The following BBS9 variants were observed in gnomAD, a reference collection of about 807,000 sequenced individuals.
The protein encoded by BBS9 is protein PTHB1.
BBS9 carries 89 observed loss-of-function variants against 117.7 expected under a neutral mutation model. The observed-to-expected ratio is 0.76, with a 90% CI of 0.64 to 0.90. The LOEUF (loss-of-function observed/expected upper bound fraction) is 0.90, where lower values mean the gene tolerates loss of function less well. Among genes scored for constraint, BBS9 ranks in the 40% least tolerant of loss-of-function variants. BBS9 has a pLI of 0.00. For missense variants in BBS9, 982 were observed against 1,042.2 expected, an observed-to-expected ratio of 0.94 and a Z score of 0.80; for synonymous variants, 379 against 370.9, an observed-to-expected ratio of 1.02 and a Z score of -0.25.
intron 19 of BBS9, among the ~76,000 whole-genome samples, chr7:33,424,450 G>A (rs768844721): frequency 2.6e-5 from 4 of 152,134 alleles, no homozygotes; most frequent in Admixed American, 2.6e-4. Flanking sequence ...AATTTCAAAC[G>A]AGAAGAGATG....
intron 19 of BBS9, among the ~76,000 whole-genome samples, chr7:33,497,410 C>T (rs1419253713): frequency 6.6e-6 from 1 of 152,128 alleles, no homozygotes; most frequent in Non-Finnish European, 1.5e-5. Context: ...GTACCTCGTA[C>T]TGGAAAATTG....
intron 20 of BBS9, among the ~76,000 whole-genome samples, chr7:33,526,401 T>A (rs1476846773): frequency 1.3e-5 from 2 of 152,234 alleles, no homozygotes; most frequent in African/African-American, 4.8e-5. Context: ...AGACGTAGAT[T>A]TGGTCTTTTC....
intron 21 of BBS9, among the ~76,000 whole-genome samples, chr7:33,628,925 A>G (rs1185671249): frequency 6.6e-6 from 1 of 152,256 alleles, no homozygotes; most frequent in Non-Finnish European, 1.5e-5. Flanking sequence ...AGAACAGGAA[A>G]GACACAAACA....
chr7:33,170,667 C>T (rs1344841032), intron 4 of BBS9, among the ~76,000 whole-genome samples: 1 of 150,930 alleles, frequency 6.6e-6, no homozygotes, highest in Non-Finnish European at 1.5e-5. Flanking sequence ...CAAATTGTCC[C>T]TGTTTGCGGA....
At chr7:33,160,931 G>A (rs766841357) in intron 4 of BBS9, among the ~76,000 whole-genome samples, 6 of 152,068 alleles carry the variant, frequency 3.9e-5, no homozygotes, top group Non-Finnish European at 8.8e-5. Flanking sequence ...GCATGGGAAA[G>A]CTTTTATACA....
chr7:33,565,217 A>C (rs113454304), intron 21 of BBS9, among the ~76,000 whole-genome samples: 2 of 152,178 alleles, frequency 1.3e-5, no homozygotes, highest in Non-Finnish European at 2.9e-5. Context: ...AGTGTTTCAC[A>C]TATTTCCATG....
intron 9 of BBS9, among the ~76,000 whole-genome samples, chr7:33,336,091 A>G (rs1423785772): frequency 2.6e-5 from 4 of 152,156 alleles, no homozygotes; most frequent in Non-Finnish European, 5.9e-5. Flanking sequence ...AGTGTTGTTC[A>G]CATGCTTATT....
intron 20 of BBS9, among the ~76,000 whole-genome samples, chr7:33,517,631 C>G (rs1563289971): frequency 1.3e-5 from 2 of 152,304 alleles, no homozygotes; most frequent in East Asian, 3.9e-4. Context: ...CACTTCTTGG[C>G]TCTGCTCTCA....
At chr7:33,215,806 C>T (rs1165935719) in intron 5 of BBS9, among the ~76,000 whole-genome samples, 1 of 152,210 alleles carries the variant, frequency 6.6e-6, no homozygotes, top group Non-Finnish European at 1.5e-5. Context: ...AAAAGTAGAT[C>T]TCATGATGAC....
At chr7:33,477,763 TA>T (rs2128967280) in intron 19 of BBS9, among the ~76,000 whole-genome samples, 1 of 152,332 alleles carries the variant, frequency 6.6e-6, no homozygotes, top group East Asian at 1.9e-4. Flanking sequence ...CATAGGCATT[TA>T]ATCATGGAAT....
intron 19 of BBS9, among the ~76,000 whole-genome samples, chr7:33,454,688 A>G (rs1838381080): frequency 6.6e-6 from 1 of 152,226 alleles, no homozygotes; most frequent in African/African-American, 2.4e-5. Flanking sequence ...ACTGTTAGGT[A>G]GATGGATGTA....
chr7:33,341,937 G>A (rs962530218), intron 11 of BBS9, among the ~76,000 whole-genome samples: 1 of 152,062 alleles, frequency 6.6e-6, no homozygotes, highest in Non-Finnish European at 1.5e-5. Flanking sequence ...AGAAATTGGT[G>A]TAGAAATTGA....
chr7:33,592,270 T>G (rs1862049414), intron 21 of BBS9, among the ~76,000 whole-genome samples: 1 of 152,066 alleles, frequency 6.6e-6, no homozygotes, highest in Admixed American at 6.6e-5. Context: ...GGCATTGTGA[T>G]GAGCCCCATT....
intron 18 of BBS9, among the ~76,000 whole-genome samples, chr7:33,386,542 G>C (rs1339417513): frequency 6.6e-6 from 1 of 151,700 alleles, no homozygotes; most frequent in African/African-American, 2.4e-5. Flanking sequence ...CCAGGCTGGG[G>C]TGCAGTGGCA....
At chr7:33,480,623 G>A (rs1842402357) in intron 19 of BBS9, among the ~76,000 whole-genome samples, 1 of 152,154 alleles carries the variant, frequency 6.6e-6, no homozygotes, top group Non-Finnish European at 1.5e-5. Context: ...ACTTGCTTAG[G>A]TGTCATTCTT....
At position 33,604,966 on chromosome 7, in the gene BBS9, C is replaced by T. The variant is rs755911247; in HGVS notation, c.2623C>T (p.Pro875Ser). Residue 875 changes from proline to serine, a missense_variant, in exon 22 of 23, where the codon CCC (proline) becomes TCC (serine). Transcript: ENST00000242067. ...CCACAGACATCTCACTGCAGAGACA[C>T]CCAGGCCTGGTAAGAGACTGGATGG... ...TNHRHLTAET[P>S]RPEVSPLQGV... is the part of the protein sequence containing the mutation. The T allele has an allele frequency of 2.1e-5, 34 of 1,608,478 alleles. No homozygotes were observed. Among genetic ancestry groups the T allele is most frequent in the Admixed American group, 5.0e-5 (3 of 59,962 alleles).
intron 4 of BBS9, among the ~76,000 whole-genome samples, chr7:33,162,588 T>C (rs1795030089): frequency 6.6e-6 from 1 of 152,070 alleles, no homozygotes; most frequent in South Asian, 2.1e-4. Context: ...ATTCTCTTTG[T>C]AACAGTTGTG....
chr7:33,462,434 C>A (rs919873632), intron 19 of BBS9, among the ~76,000 whole-genome samples: 11 of 152,068 alleles, frequency 7.2e-5, no homozygotes, highest in Admixed American at 6.6e-5. Flanking sequence ...AAATTTAACT[C>A]TTAAGTTGCC....
chr7:33,339,002 T>C (rs1476092890), intron 10 of BBS9, among the ~76,000 whole-genome samples: 1 of 152,206 alleles, frequency 6.6e-6, no homozygotes, highest in Non-Finnish European at 1.5e-5. Flanking sequence ...AAGCTGATGA[T>C]AACACTGAGT....
Sources: allele counts gnomAD v4.1 joint callset (sites outside exome capture counted in the v4.1 genomes callset), GRCh38; gene constraint gnomAD v4.1.1; transcripts MANE v1.5; gene names NCBI Gene and HGNC (gene_info 2026-07-23, HGNC 2026-07-21).